Variants in DCAF6 observed in about 807,000 individuals in gnomAD.
The protein encoded by DCAF6 is DDB1- and CUL4-associated factor 6.
DCAF6 carries 54 observed loss-of-function variants against 125.1 expected under a neutral mutation model. That is an observed-to-expected ratio of 0.43 (90% CI 0.35 to 0.54). The LOEUF (loss-of-function observed/expected upper bound fraction) is 0.54, where lower values mean the gene tolerates loss of function less well. Among genes scored for constraint, DCAF6 ranks in the 20% least tolerant of loss-of-function variants. DCAF6 has a pLI of 0.01. For missense variants in DCAF6, 934 were observed against 1,161.7 expected (o/e 0.80, Z 2.85); for synonymous variants, 371 against 390.4 (o/e 0.95, Z 0.58).
chr1:167,988,740 G>A (rs576059052), intron 5 of DCAF6, among the ~76,000 whole-genome samples: 1 of 151,962 alleles, frequency 6.6e-6, no homozygotes, highest in South Asian at 2.1e-4. Context: ...AGGGGAAAAA[G>A]ATTATTTTAT....
chr1:168,002,339 G>A (rs1284769612), intron 7 of DCAF6, 143 bp from the exon 8 acceptor site: 5 of 636,024 alleles, frequency 7.9e-6, no homozygotes. Flanking sequence ...GCTTATACCA[G>A]TGTCTTTCAT....
chr1:167,962,634 G>GT (rs1257696540), intron 2 of DCAF6, among the ~76,000 whole-genome samples: 2 of 152,008 alleles, frequency 1.3e-5, no homozygotes, highest in Non-Finnish European at 2.9e-5. Context: ...TTTGGATCTT[G>GT]TTTTTTGATC....
At chr1:167,893,937 G>A in the DCAF6 span, 109 of 1,612,832 alleles carry the variant, frequency 6.8e-5, no homozygotes, top group South Asian at 1.2e-3. Context: ...CAAGCCTCAG[G>A]AGGTCTAAGA....
intron 10 of DCAF6, among the ~76,000 whole-genome samples, chr1:168,005,952 T>A (rs1214095387): frequency 6.6e-6 from 1 of 152,134 alleles, no homozygotes; most frequent in Non-Finnish European, 1.5e-5. Context: ...TTTGGAAGAT[T>A]TGGGAATTAA....
the DCAF6 span, among the ~76,000 whole-genome samples, chr1:167,868,896 T>A: frequency 4.1e-3 from 621 of 152,254 alleles, 4 homozygotes; most frequent in African/African-American, 0.015. Flanking sequence ...AAATCATCAC[T>A]AATAAAACCA....
intron 12 of DCAF6, among the ~76,000 whole-genome samples, chr1:168,034,284 G>A (rs1166912114): frequency 6.6e-6 from 1 of 152,188 alleles, no homozygotes; most frequent in East Asian, 1.9e-4. Flanking sequence ...GAGTGCTGAG[G>A]AAGCAGGATC....
upstream of DCAF6, chr1:167,936,093 G>A (rs772674652): frequency 3.7e-5 from 21 of 560,920 alleles, no homozygotes; most frequent in Admixed American, 2.5e-4. Flanking sequence ...GCAGGAGAGA[G>A]GGAGGAGCCA....
intron 6 of DCAF6, 33 bp from the exon 7 acceptor site, chr1:167,993,193 T>A: frequency 2.6e-6 from 4 of 1,548,602 alleles, no homozygotes; most frequent in Non-Finnish European, 3.5e-6. Context: ...TAAAACATTA[T>A]TAATTTTAAA....
chr1:167,911,352 C>A, the DCAF6 span, among the ~76,000 whole-genome samples: 2 of 152,210 alleles, frequency 1.3e-5, no homozygotes, highest in Admixed American at 6.5e-5. Context: ...ATAAAGAAAT[C>A]AATGTACTTT....
the DCAF6 span, among the ~76,000 whole-genome samples, chr1:167,919,776 T>C: frequency 6.6e-6 from 1 of 152,168 alleles, no homozygotes. Context: ...GTTAACTTAT[T>C]TGTAAACCCC....
chr1:168,011,139 A>G (rs12083089), intron 10 of DCAF6, among the ~76,000 whole-genome samples: 3,934 of 115,216 alleles, frequency 0.034, 196 homozygotes, highest in African/African-American at 0.12. Flanking sequence ...TTTTTTTGAG[A>G]TGGAGTCTTG....
intron 18 of DCAF6, among the ~76,000 whole-genome samples, chr1:168,064,632 A>G (rs1692095609): frequency 6.6e-6 from 1 of 152,190 alleles, no homozygotes; most frequent in Non-Finnish European, 1.5e-5. Context: ...ACCAATTTAT[A>G]TTTCTTGCAT....
chr1:167,965,018 A>G (rs1242466759), intron 2 of DCAF6, among the ~76,000 whole-genome samples: 1 of 152,126 alleles, frequency 6.6e-6, no homozygotes, highest in Admixed American at 6.6e-5. Flanking sequence ...TACAGTTCCA[A>G]CAGTCCTGCT....
the DCAF6 span, chr1:167,878,476 A>G: frequency 2.8e-5 from 46 of 1,614,118 alleles, no homozygotes; most frequent in Non-Finnish European, 3.8e-5. Flanking sequence ...ATACTGATAC[A>G]ATGGTCCAGA....
the DCAF6 span, among the ~76,000 whole-genome samples, chr1:167,881,157 A>G: frequency 6.6e-6 from 1 of 152,234 alleles, no homozygotes; most frequent in African/African-American, 2.4e-5. Flanking sequence ...AGTACTTTGC[A>G]GATACTGTTA....
At chr1:168,016,462 A>G (rs543833604) in intron 11 of DCAF6, among the ~76,000 whole-genome samples, 2 of 152,226 alleles carry the variant, frequency 1.3e-5, no homozygotes, top group African/African-American at 4.8e-5. Context: ...AAAATTTTCA[A>G]TATTTGCTTT....
At chr1:168,048,610 C>T (rs1689429502) in intron 16 of DCAF6, among the ~76,000 whole-genome samples, 1 of 152,098 alleles carries the variant, frequency 6.6e-6, no homozygotes, top group Non-Finnish European at 1.5e-5. Context: ...AAAATGAAGA[C>T]CTTAACAACT....
intron 4 of DCAF6, among the ~76,000 whole-genome samples, chr1:167,975,611 C>T (rs1678028659): frequency 6.6e-6 from 1 of 152,158 alleles, no homozygotes; most frequent in Non-Finnish European, 1.5e-5. Flanking sequence ...AGTGGCATGA[C>T]CATGGCTCTC....
chr1:167,873,682 A>G, the DCAF6 span, among the ~76,000 whole-genome samples: 65 of 152,302 alleles, frequency 4.3e-4, no homozygotes, highest in Admixed American at 7.2e-4. Context: ...ATCACCAGGA[A>G]TCACAAAAAT....
Sources: gnomAD v4.1 joint callset for allele counts (sites outside exome capture counted in the v4.1 genomes callset) on GRCh38, gnomAD v4.1.1 for gene constraint, MANE v1.5 for transcripts, NCBI Gene and HGNC (gene_info 2026-07-23, HGNC 2026-07-21) for gene names.